TRAPPC3: variants seen among roughly 807,000 people sequenced by gnomAD.
TRAPPC3 encodes trafficking protein particle complex subunit 3.
TRAPPC3 carries 5 observed loss-of-function variants against 18.2 expected under a neutral mutation model. That is an observed-to-expected ratio of 0.28 (90% confidence interval 0.14 to 0.58). The LOEUF (loss-of-function observed/expected upper bound fraction) is 0.58, where lower values mean the gene tolerates loss of function less well. Among genes scored for constraint, TRAPPC3 ranks in the 20% least tolerant of loss-of-function variants. TRAPPC3 has a pLI of 0.91. For missense variants in TRAPPC3, 176 were observed against 225.9 expected, an observed-to-expected ratio of 0.78 and a Z score of 1.41; for synonymous variants, 65 against 84.2, an observed-to-expected ratio of 0.77 and a Z score of 1.25.
chr1:36,141,909 G>GATC (rs1444837737), intron 1 of TRAPPC3, among the ~76,000 whole-genome samples: 1 of 119,462 alleles, frequency 8.4e-6, no homozygotes, highest in African/African-American at 3.3e-5. Context: ...AGTGAGCCAA[G>GATC]ATCACGCCAC....
At chr1:36,138,546 C>T (rs568435413) in intron 3 of TRAPPC3, among the ~76,000 whole-genome samples, 4 of 152,282 alleles carry the variant, frequency 2.6e-5, no homozygotes, top group African/African-American at 7.2e-5. Context: ...GTAACTGACA[C>T]CACAAAGTTA....
At chr1:36,148,205 A>C (rs938775256) in intron 1 of TRAPPC3, among the ~76,000 whole-genome samples, 2 of 152,238 alleles carry the variant, frequency 1.3e-5, no homozygotes, top group Admixed American at 1.3e-4. Context: ...TCACCCCTGT[A>C]ATCCCAGCAC....
chr1:36,137,759 A>G (rs1262338920), intron 4 of TRAPPC3, 37 bp downstream of exon 4: 1 of 1,595,080 alleles, frequency 6.3e-7, no homozygotes, highest in East Asian at 2.2e-5. Flanking sequence ...TCCCTATTGC[A>G]TTTCGGGTGT....
At chr1:36,146,261 TAG>T (rs1196190849) in intron 1 of TRAPPC3, among the ~76,000 whole-genome samples, 1 of 149,882 alleles carries the variant, frequency 6.7e-6, no homozygotes, top group Non-Finnish European at 1.5e-5. Flanking sequence ...GTATTTTTAG[TAG>T]AGATGGGGTT....
chr1:36,148,863 C>T (rs966714852), intron 1 of TRAPPC3, among the ~76,000 whole-genome samples: 1 of 152,124 alleles, frequency 6.6e-6, no homozygotes, highest in South Asian at 2.1e-4. Context: ...AGAGTAAAGC[C>T]TAACAGTCAG....
Position 36,136,938 on chromosome 1 carries a change from A to T in TRAPPC3, c.*265T>A. On this transcript the variant is annotated 3_prime_UTR_variant, in exon 5 of 5. Coordinates refer to ENST00000373166, the MANE Select transcript of TRAPPC3 (RefSeq NM_014408.5). ...TCAAACAGGAATGTAAAATGGTTTG[A>T]GCTCTTTCTAGTCCAACCAAAGGTG... 3.3e-6 allele frequency: 1 copy of T among 304,780 alleles called. No individual in the cohort carries two copies. The allele number at this position is 304,780 out of a possible 1,614,324, so 18.9% of individuals were successfully genotyped here.
At chr1:36,142,314 C>T (rs536275813) in intron 1 of TRAPPC3, among the ~76,000 whole-genome samples, 1 of 152,266 alleles carries the variant, frequency 6.6e-6, no homozygotes, top group Admixed American at 6.5e-5. Flanking sequence ...AAGTCAAGGG[C>T]TTGGCACTAG....
chr1:36,149,551 C>G, upstream of TRAPPC3: 1 of 738,534 alleles, frequency 1.4e-6, no homozygotes, highest in Non-Finnish European at 2.3e-6. Flanking sequence ...CCGACGTGGG[C>G]AACTCCCGCC....
chr1:36,155,995 C>T (rs1189457691), exon 1 of TRAPPC3: 1 of 157,600 alleles, frequency 6.3e-6, no homozygotes, highest in African/African-American at 2.4e-5. Flanking sequence ...GGGAGAGGCG[C>T]CGGGAGGCTG....
intron 3 of TRAPPC3, among the ~76,000 whole-genome samples, chr1:36,138,629 CACA>C (rs769668961): frequency 9.2e-5 from 14 of 152,166 alleles, no homozygotes; most frequent in Non-Finnish European, 1.5e-4. Context: ...TTACTATATG[CACA>C]ACACTATGCT....
chr1:36,154,316 C>G (rs957049577), upstream of TRAPPC3, among the ~76,000 whole-genome samples: 1 of 152,100 alleles, frequency 6.6e-6, no homozygotes, highest in Admixed American at 6.6e-5. Context: ...AGTCTTGAGC[C>G]GTAGCCAATG....
chr1:36,149,605 A>G, upstream of TRAPPC3: 1 of 605,298 alleles, frequency 1.7e-6, no homozygotes, highest in South Asian at 1.9e-5. Flanking sequence ...CTTTGGCAGC[A>G]CCGCCTCTTA....
intron 1 of TRAPPC3, among the ~76,000 whole-genome samples, chr1:36,147,306 G>C (rs1487106002): frequency 6.6e-6 from 1 of 151,926 alleles, no homozygotes; most frequent in Non-Finnish European, 1.5e-5. Context: ...CTAGGTGACA[G>C]AGCGAGACTC....
At chr1:36,137,692 TG>T in intron 4 of TRAPPC3, 103 bp downstream of exon 4, 2 of 1,260,878 alleles carry the variant, frequency 1.6e-6, no homozygotes, top group Non-Finnish European at 1.1e-6. Flanking sequence ...AGTAAAGCGC[TG>T]GGGTGAGCCA....
Position 36,137,897 on chromosome 1 carries a change from C to T in TRAPPC3, c.322G>A (p.Glu108Lys). 5 of 1,614,166 alleles carry T rather than the reference C, an allele frequency of 3.1e-6. No homozygotes were observed. The highest frequency in any genetic ancestry group is 4.2e-6 in the Non-Finnish European group (5 of 1,180,040). Residue 108 changes from glutamate to lysine, a missense_variant, in exon 4 of 5, where the codon GAA (glutamate) becomes AAA (lysine). This residue lies in a region of TRAPPC3 where 147 missense variants were observed against 164.3 expected (regional missense o/e 0.89). Coordinates refer to ENST00000373166, the MANE Select transcript of TRAPPC3 (RefSeq NM_014408.5). ...ACAAAGTCCACCAAGGGGTTATTTT[C>T]CAAAATGAGGGAGAATTCATCACCA... is the stretch of plus-strand genomic sequence containing the variant. ...PAGDEFSLIL[E>K]NNPLVDFVEL...
chr1:36,145,919 G>A (rs1207378564), intron 1 of TRAPPC3, among the ~76,000 whole-genome samples: 8 of 151,508 alleles, frequency 5.3e-5, no homozygotes, highest in African/African-American at 1.2e-4. Flanking sequence ...GACTACAGGC[G>A]GCCGCCACCA....
intron 3 of TRAPPC3, among the ~76,000 whole-genome samples, chr1:36,139,053 GAA>G (rs78929496): frequency 3.9e-5 from 3 of 77,648 alleles, no homozygotes; most frequent in Non-Finnish European, 5.7e-5. Flanking sequence ...AAGAAAAAAA[GAA>G]AAAAAAAAAA....
At chr1:36,139,344 G>C (rs1644072470) in intron 3 of TRAPPC3, 3 of 170,568 alleles carry the variant, frequency 1.8e-5, no homozygotes, top group Admixed American at 1.7e-4. Context: ...TTTTAGTAGA[G>C]ATGGGGTTTC....
chr1:36,139,767 C>T lies in TRAPPC3; in HGVS notation c.193G>A (p.Val65Ile), dbSNP rs890406728. 2 of 1,614,004 alleles carry T rather than the reference C, an allele frequency of 1.2e-6. No individual in the cohort carries two copies. Among genetic ancestry groups the T allele is most frequent in the African/African-American group, 1.3e-5 (1 of 74,876 alleles). The change falls in exon 3 of 5, where the codon GTT becomes ATT. Residue 65 changes from valine to isoleucine, a missense_variant. Val to Ile is a conservative substitution (Grantham distance 29). Coordinates refer to ENST00000373166, the MANE Select transcript of TRAPPC3 (RefSeq NM_014408.5). The stretch of plus-strand genomic sequence containing the variant: ...TCCCGAAAGTCATGGCACCTCCCAA[C>T]ATTTGACCGAGCCAAGAAATCTTCA... ...LIEDFLARSN[V>I]GRCHDFRETA...
Sources: allele counts gnomAD v4.1 joint callset (sites outside exome capture counted in the v4.1 genomes callset), GRCh38; gene constraint gnomAD v4.1.1; regional missense constraint gnomAD v4.1.1; transcripts MANE v1.5; gene names NCBI Gene and HGNC (gene_info 2026-07-23, HGNC 2026-07-21).